LILRB1: variants seen among roughly 807,000 people sequenced by gnomAD.
LILRB1 encodes leukocyte immunoglobulin like receptor B1.
Under a neutral mutation model 74.6 loss-of-function variants are expected in LILRB1, and 59 were observed. The ratio of observed to expected loss-of-function variants is 0.79; its 90% CI spans 0.64 to 0.98. The LOEUF (loss-of-function observed/expected upper bound fraction) is 0.98. Among genes scored for constraint, LILRB1 ranks in the 50% least tolerant of loss-of-function variants. The pLI, the probability that LILRB1 is intolerant of heterozygous loss-of-function variation, is 0.00. For synonymous variants in LILRB1, 328 were observed against 333.9 expected (o/e 0.98, Z 0.19); for missense variants, 804 against 822.6 (o/e 0.98, Z 0.28).
rs752353124 is a variant in LILRB1, at chr19:54,636,800, G to A, written c.1881G>A (p.Glu627=). Residue 627 remains glutamate, a synonymous_variant, in exon 15 of 15, where the codon GAG becomes GAA. Coordinates refer to ENST00000324602, the MANE Select transcript of LILRB1 (RefSeq NM_001081637.3). ...AQLHSLTLRR[E]ATEPPPSQEG... ...TGCACAGCTTGACCCTCAGACGGGAGGCAACTGAGCCTCCTCCATCCCAGG... is the reference window on the plus strand; with the variant it reads ...TGCACAGCTTGACCCTCAGACGGGAAGCAACTGAGCCTCCTCCATCCCAGG... 50 of 1,613,280 alleles carry A rather than the reference G, an allele frequency of 3.1e-5. No homozygotes were observed. The highest frequency in any genetic ancestry group is 4.2e-5 in the Non-Finnish European group (49 of 1,179,510).
rs369122618 is a variant in LILRB1, at chr19:54,631,593, C to T, written c.164C>T (p.Thr55Ile). The change falls in exon 4 of 15, where the codon ACC (threonine) becomes ATC (isoleucine). Residue 55 changes from threonine to isoleucine, a missense_variant. By Grantham distance (89) the Thr-to-Ile change is moderately conservative (BLOSUM62 -1). Coordinates refer to ENST00000324602, the MANE Select transcript of LILRB1 (RefSeq NM_001081637.3). ...CTCAGGTGTCAGGGGGGCCAGGAGA[C>T]CCAGGAGTACCGTCTATATAGAGAA... ...VTLRCQGGQE[T>I]QEYRLYREKK... 128 of 1,614,108 alleles carry T rather than the reference C, an allele frequency of 7.9e-5. No homozygotes were observed. Among genetic ancestry groups the T allele is most frequent in the Non-Finnish European group, 1.0e-4 (120 of 1,180,020 alleles).
chr19:54,627,409 C>G (rs547889263), upstream of LILRB1, among the ~76,000 whole-genome samples: 1 of 151,616 alleles, frequency 6.6e-6, no homozygotes, highest in East Asian at 2.0e-4. Context: ...TCAGACCCCA[C>G]AGGGCCAGGA....
chr19:54,621,890 T>C (rs1475557406), intron 1 of LILRB1, among the ~76,000 whole-genome samples: 1 of 152,228 alleles, frequency 6.6e-6, no homozygotes, highest in African/African-American at 2.4e-5. Flanking sequence ...GGTCCAGTTT[T>C]ATTCTTTTGC....
upstream of LILRB1, among the ~76,000 whole-genome samples, chr19:54,616,556 G>GT (rs2063317282): frequency 1.3e-5 from 2 of 152,164 alleles, no homozygotes; most frequent in Admixed American, 6.5e-5. Flanking sequence ...GCCAGAAGTG[G>GT]TAAGTCCTCC....
At position 54,632,739 on chromosome 19, in the gene LILRB1, C is replaced by T. The variant is rs1339065375; in HGVS notation, c.937C>T (p.Pro313Ser). The T allele has an allele frequency of 1.9e-6, 3 of 1,612,190 alleles. No homozygotes were observed. The highest frequency in any genetic ancestry group is 2.2e-4 in the Middle Eastern group (1 of 4,578). Residue 313 changes from proline to serine, a missense_variant, in exon 6 of 15, where the codon CCC (proline) becomes TCC (serine). Physicochemically the swap from Pro to Ser is moderately conservative, Grantham distance 74. Transcript: ENST00000324602. ...LSSEWSAPSDPLDILIAGQFY... is the reference protein window; with the variant it reads ...LSSEWSAPSDSLDILIAGQFY... ...CTCCGAGTGGTCGGCCCCCAGCGAC[C>T]CCCTGGACATCCTGATCGCAGGTGA...
intron 9 of LILRB1, chr19:54,634,300 G>C: frequency 6.5e-7 from 1 of 1,538,970 alleles, no homozygotes; most frequent in Non-Finnish European, 8.8e-7. Context: ...AGCAGAGACG[G>C]TGACCTGGGG....
rs1377643739 is a variant in LILRB1 at position 54,637,155 on chromosome 19, G to A, written c.*277G>A. On this transcript the variant is annotated 3_prime_UTR_variant, in exon 15 of 15. Coordinates refer to ENST00000324602, the MANE Select transcript of LILRB1 (RefSeq NM_001081637.3). ...ATGTAAATATTACACATCAAGCGAT[G>A]AAACTGGAAAACTACAAGCCACGAA... 1 of 424,714 alleles carries A rather than the reference G, an allele frequency of 2.4e-6. No homozygotes were observed. 26.3% of individuals were successfully genotyped at this position (424,714 alleles called of 1,614,324 possible).
At position 54,633,660 on chromosome 19, in the gene LILRB1, C is replaced by T. The variant is rs2064120932; in HGVS notation, c.1284C>T (p.Ser428=). The change falls in exon 8 of 15, where the codon TCC becomes TCT. Residue 428 remains serine (S), a synonymous_variant. Coordinates refer to ENST00000324602, the MANE Select transcript of LILRB1 (RefSeq NM_001081637.3). ...VVSGPSGGPS[S]PTTGPTSTSA... ...CAGGACCGTCTGGGGGCCCCAGCTC[C>T]CCGACAACAGGCCCCACCTCCACAT... is the stretch of plus-strand genomic sequence containing the variant. 6.2e-7 allele frequency: 1 copy of T among 1,613,658 alleles called. No individual in the cohort carries two copies. The highest frequency in any genetic ancestry group is 1.3e-5 in the African/African-American group (1 of 75,002).
chr19:54,630,800 A>C lies in LILRB1; in HGVS notation c.-49+167A>C, dbSNP rs2063764896. The C allele has an allele frequency of 1.7e-5, 13 of 759,606 alleles. No homozygotes were observed. In the East Asian group the frequency reaches 3.5e-4, roughly 20 times the overall value. The allele number at this position is 759,606 out of a possible 1,614,324, so 47.1% of individuals were successfully genotyped here. On this transcript the variant is annotated intron_variant, in intron 1 of 14. Transcript: ENST00000324602. ...TACATCCTGGCTCTCAGTGGGATGA[A>C]AACAAACCAGACAGACGGTGGCTGG... is the stretch of plus-strand genomic sequence containing the variant.
At chr19:54,634,979 C>T (rs913072461) in intron 10 of LILRB1, 125 bp from the exon 11 acceptor site, 67 of 1,450,876 alleles carry the variant, frequency 4.6e-5, no homozygotes, top group African/African-American at 2.7e-4. Flanking sequence ...TCTGTCCATC[C>T]TATGAGGCAT....
upstream of LILRB1, among the ~76,000 whole-genome samples, chr19:54,629,878 G>T (rs1199647783): frequency 7.1e-6 from 1 of 139,890 alleles, no homozygotes; most frequent in East Asian, 2.0e-4. Context: ...TGATGCTCTG[G>T]GTATTTCAGA....
intron 1 of LILRB1, among the ~76,000 whole-genome samples, chr19:54,621,545 TTTC>T (rs1383601812): frequency 0.033 from 5,022 of 152,142 alleles, 106 homozygotes; most frequent in South Asian, 0.054. Context: ...GTTTTTTTTT[TTTC>T]ATGTTGAATT....
intron 1 of LILRB1, among the ~76,000 whole-genome samples, chr19:54,622,783 T>G (rs2146175068): frequency 6.6e-6 from 1 of 152,300 alleles, no homozygotes; most frequent in South Asian, 2.1e-4. Context: ...TTCTCCCCAT[T>G]CAATTTTAAG....
rs73614636 is a variant in LILRB1, at chr19:54,630,541, T to G, written c.-141T>G. Reference sequence around the variant, plus strand: ...GCTCAGCCTGGGCGGCACAGCCAGATGCGAGATGCGTCTCTGCTGATCTGA... The same window carrying G: ...GCTCAGCCTGGGCGGCACAGCCAGAGGCGAGATGCGTCTCTGCTGATCTGA... On this transcript the variant is annotated 5_prime_UTR_variant, in exon 1 of 15. An upstream start codon of the reference 5' UTR is lost. Transcript: ENST00000324602. 2.4e-3 allele frequency: 1,369 copies of G among 560,906 alleles called. 9 individuals carry two copies. Among genetic ancestry groups the G allele is most frequent in the African/African-American group, 0.023 (1,245 of 53,010 alleles). 34.7% of individuals were successfully genotyped at this position (560,906 alleles called of 1,614,324 possible).
intron 1 of LILRB1, among the ~76,000 whole-genome samples, chr19:54,621,876 T>A (rs917610554): frequency 2.0e-5 from 3 of 152,208 alleles, no homozygotes. Context: ...TGGTGGGAGA[T>A]AAAGGTCCAG....
upstream of LILRB1, among the ~76,000 whole-genome samples, chr19:54,630,166 C>T (rs1182385986): frequency 6.6e-6 from 1 of 152,276 alleles, no homozygotes; most frequent in East Asian, 1.9e-4. Flanking sequence ...TGGTTCATTA[C>T]CGCCCGAGGT....
At chr19:54,632,298 G>A (rs377382) in intron 5 of LILRB1, 61 bp downstream of exon 5, 71 of 1,574,644 alleles carry the variant, frequency 4.5e-5, no homozygotes, top group South Asian at 4.2e-4. Context: ...GGGAGCAGCC[G>A]CGTCTCAGGG....
chr19:54,631,501 G>A lies in LILRB1; in HGVS notation c.72G>A (p.Gly24=), dbSNP rs753690353. The part of the protein sequence containing the change: ...SLGPRTHVQA[G]HLPKPTLWAE... ...ATCTGACTCCTGATTTCCTTCCAGG[G>A]CACCTCCCCAAGCCCACCCTCTGGG... Residue 24 remains glycine, a splice_region_variant and synonymous_variant, in exon 4 of 15, where the codon GGG becomes GGA. Coordinates refer to ENST00000324602, the MANE Select transcript of LILRB1 (RefSeq NM_001081637.3). The A allele has an allele frequency of 6.2e-7, 1 of 1,607,230 alleles. No homozygotes were observed. The highest frequency in any genetic ancestry group is 1.1e-5 in the South Asian group (1 of 90,706).
At position 54,633,513 on chromosome 19, in the gene LILRB1, G is replaced by T. The variant is rs1352072697; in HGVS notation, c.1262-125G>T. The T allele has an allele frequency of 1.7e-5, 20 of 1,209,078 alleles. 1 individual carries two copies. Among genetic ancestry groups the T allele is most frequent in the Non-Finnish European group, 2.1e-5 (18 of 868,154 alleles). The allele number at this position is 1,209,078 out of a possible 1,614,324, so 74.9% of individuals were successfully genotyped here. Reference sequence around the variant, plus strand: ...CCTCAGTGGCATCGCCAGCATCATGGACAGGAGAGGCGGGTGGAGGGAGGG... The same window carrying T: ...CCTCAGTGGCATCGCCAGCATCATGTACAGGAGAGGCGGGTGGAGGGAGGG... On this transcript the variant is annotated intron_variant, in intron 7 of 14. Transcript: ENST00000324602.
Sources: gnomAD v4.1 joint callset for allele counts (sites outside exome capture counted in the v4.1 genomes callset) on GRCh38, gnomAD v4.1.1 for gene constraint, MANE v1.5 for transcripts, NCBI Gene and HGNC (gene_info 2026-07-23, HGNC 2026-07-21) for gene names.